The following ANKFN1 variants were observed in gnomAD, a reference collection of about 807,000 sequenced individuals.
The protein encoded by ANKFN1 is ankyrin repeat and fibronectin type-III domain-containing protein 1.
In ANKFN1, 74 loss-of-function variants were observed where a neutral mutation model predicts 108.7. That is an observed-to-expected ratio of 0.68 (90% confidence interval 0.56 to 0.83). The LOEUF is 0.83. ANKFN1 is among the 40% of genes least tolerant of loss of function. The pLI, the probability that ANKFN1 is intolerant of heterozygous loss-of-function variation, is 0.00. For synonymous variants in ANKFN1, 547 were observed against 516.2 expected (o/e 1.06, Z -0.81); for missense variants, 1,505 against 1,382.3 (o/e 1.09, Z -1.41).
In ANKFN1 at chr17:56,294,017, A is replaced by G. The variant is rs767194300; in HGVS notation, c.54-32204A>G. 9.2e-5 allele frequency among the ~76,000 whole-genome samples: 14 copies of G among 152,190 alleles called. 1 individual carries two copies. Among genetic ancestry groups the G allele is most frequent in the Admixed American group, 8.5e-4 (13 of 15,286 alleles). ...CAAAGGAGGAATCCTTTAGGGGCATATTCAGTCATCTTTGTTAAATTTCGG... is the reference window on the plus strand; with the variant it reads ...CAAAGGAGGAATCCTTTAGGGGCATGTTCAGTCATCTTTGTTAAATTTCGG... On this transcript the variant is annotated intron_variant, in intron 3 of 20. Coordinates refer to ENST00000682825, the MANE Select transcript of ANKFN1 (RefSeq NM_001370326.1).
chr17:56,077,454 G>A (rs960599486), intron 4 of ANKFN1, among the ~76,000 whole-genome samples: 29 of 152,060 alleles, frequency 1.9e-4, no homozygotes, highest in African/African-American at 7.0e-4. Context: ...TCAAATCCTT[G>A]GCCCTCACCA....
In ANKFN1 at chr17:56,494,483, T is replaced by C. The variant is rs1248367213; in HGVS notation, c.2427+2130T>C. ...GATCAGAAGCTGGTCCCAGAGGAGG[T>C]TGGGAGGCTGAGATGGTAGGATCTC... On this transcript the variant is annotated intron_variant, in intron 19 of 20. Transcript: ENST00000682825. Among the ~76,000 whole-genome samples the C allele has an allele frequency of 5.9e-5, 9 of 151,556 alleles. No individual in the cohort carries two copies. The South Asian group carries it at 8.4e-4, about 14-fold the overall frequency.
chr17:56,088,050 A>G (rs1037123777), intron 4 of ANKFN1, among the ~76,000 whole-genome samples: 2 of 151,296 alleles, frequency 1.3e-5, no homozygotes, highest in African/African-American at 4.9e-5. Flanking sequence ...TATTAATTCC[A>G]GTAGCCATCT....
chr17:56,160,458 T>C (rs1311825027), intron 1 of ANKFN1, among the ~76,000 whole-genome samples: 1 of 152,216 alleles, frequency 6.6e-6, no homozygotes, highest in Non-Finnish European at 1.5e-5. Context: ...TATTTTCCAC[T>C]ACATTCAGCG....
intron 2 of ANKFN1, among the ~76,000 whole-genome samples, chr17:56,227,646 G>A (rs1486779652): frequency 6.6e-6 from 1 of 152,082 alleles, no homozygotes; most frequent in Non-Finnish European, 1.5e-5. Context: ...GAGACAAAGT[G>A]AGCATCAAGT....
chr17:56,160,119 C>G (rs982218715), intron 1 of ANKFN1, among the ~76,000 whole-genome samples: 8 of 152,176 alleles, frequency 5.3e-5, no homozygotes, highest in African/African-American at 1.9e-4. Context: ...TTCTAACCAC[C>G]TTTCATATCT....
intron 1 of ANKFN1, among the ~76,000 whole-genome samples, chr17:56,197,489 T>C (rs1007505670): frequency 6.6e-6 from 1 of 152,232 alleles, no homozygotes; most frequent in African/African-American, 2.4e-5. Flanking sequence ...TATTCCTTTG[T>C]GTCTAGACAC....
intron 4 of ANKFN1, among the ~76,000 whole-genome samples, chr17:56,080,506 A>C (rs1396939381): frequency 1.3e-5 from 2 of 152,250 alleles, no homozygotes. Flanking sequence ...TGTCCAAGAT[A>C]ATCGTTGAGT....
chr17:56,359,956 T>C (rs937372066), intron 6 of ANKFN1, among the ~76,000 whole-genome samples: 1 of 152,166 alleles, frequency 6.6e-6, no homozygotes, highest in Non-Finnish European at 1.5e-5. Flanking sequence ...GAGTCACACC[T>C]GATTTTTGTT....
chr17:56,073,374 G>C (rs777017814), intron 4 of ANKFN1, among the ~76,000 whole-genome samples: 6 of 152,118 alleles, frequency 3.9e-5, no homozygotes, highest in African/African-American at 1.4e-4. Context: ...GAATACTCAC[G>C]TGTCTACCAC....
At chr17:56,383,526 T>G (rs1598495676) in intron 8 of ANKFN1, among the ~76,000 whole-genome samples, 1 of 152,046 alleles carries the variant, frequency 6.6e-6, no homozygotes, top group African/African-American at 2.4e-5. Flanking sequence ...CTTCAAAAAA[T>G]TAATGAATCC....
chr17:56,242,567 T>C (rs1162213383), intron 3 of ANKFN1, among the ~76,000 whole-genome samples: 1 of 152,126 alleles, frequency 6.6e-6, no homozygotes, highest in Non-Finnish European at 1.5e-5. Flanking sequence ...ATTTTTAATG[T>C]ATCTGTAGAT....
rs1156949669 is a variant in ANKFN1 at position 56,510,942 on chromosome 17, G to A, written c.3114G>A (p.Leu1038=). The stretch of plus-strand genomic sequence containing the variant: ...CTGAGGGCATTTATACACAGCACCT[G>A]TCCCAGGCCTGTGGTCTGGCCCAGG... ...SLSEGIYTQH[L]SQACGLAQEP... The change falls in exon 21 of 21, where the codon CTG becomes CTA. Residue 1038 remains leucine, a synonymous_variant. Coordinates refer to ENST00000682825, the MANE Select transcript of ANKFN1 (RefSeq NM_001370326.1). 6.5e-7 allele frequency: 1 copy of A among 1,536,172 alleles called. No individual in the cohort carries two copies.
intron 3 of ANKFN1, among the ~76,000 whole-genome samples, chr17:56,296,482 G>A (rs991368145): frequency 6.6e-6 from 1 of 152,130 alleles, no homozygotes; most frequent in African/African-American, 2.4e-5. Flanking sequence ...TCAGGAGTTT[G>A]AGACCAGCCT....
chr17:56,089,147 G>T (rs909204493), intron 4 of ANKFN1, among the ~76,000 whole-genome samples: 2 of 151,406 alleles, frequency 1.3e-5, no homozygotes, highest in African/African-American at 4.8e-5. Flanking sequence ...GAAGAAAATA[G>T]GAAAGTGTTC....
chr17:56,510,461 C>T lies in ANKFN1; in HGVS notation c.2645-12C>T, dbSNP rs987905918. The T allele has an allele frequency of 1.2e-5, 18 of 1,533,228 alleles. 2 individuals are homozygous for T. The highest frequency in any genetic ancestry group is 9.8e-5 in the East Asian group (4 of 40,902). 95.0% of individuals were successfully genotyped at this position (1,533,228 alleles called of 1,614,324 possible). A position where few individuals can be genotyped will look rare whatever the true frequency, so the allele number is the denominator to read the frequency against. On this transcript the variant is annotated splice_polypyrimidine_tract_variant and intron_variant, in intron 20 of 20. Coordinates refer to ENST00000682825, the MANE Select transcript of ANKFN1 (RefSeq NM_001370326.1). ...ACTATATTTTTCCTAACCTCAGTTT[C>T]TGGCTTCGCAGATTCACAGCCCTGC... is the stretch of plus-strand genomic sequence containing the variant.
intron 18 of ANKFN1, among the ~76,000 whole-genome samples, chr17:56,488,680 G>T (rs1162762769): frequency 6.6e-6 from 1 of 152,194 alleles, no homozygotes; most frequent in Admixed American, 6.5e-5. Flanking sequence ...GGCACCTTGT[G>T]CCCCAGTTCT....
At chr17:56,497,301 C>A (rs916493796) in intron 19 of ANKFN1, among the ~76,000 whole-genome samples, 1 of 152,156 alleles carries the variant, frequency 6.6e-6, no homozygotes, top group African/African-American at 2.4e-5. Flanking sequence ...TGCTGAACTT[C>A]CTGCCCAACT....
intron 4 of ANKFN1, among the ~76,000 whole-genome samples, chr17:56,059,152 T>C (rs1335670900): frequency 1.3e-5 from 2 of 152,230 alleles, no homozygotes; most frequent in African/African-American, 2.4e-5. Flanking sequence ...TGGTATCCCA[T>C]TGTGGTTTTG....
Sources: allele counts gnomAD v4.1 joint callset (sites outside exome capture counted in the v4.1 genomes callset), GRCh38; gene constraint gnomAD v4.1.1; transcripts MANE v1.5; gene names NCBI Gene and HGNC (gene_info 2026-07-23, HGNC 2026-07-21).